The following SIPA1L3 variants were observed in gnomAD, a reference collection of about 807,000 sequenced individuals.
SIPA1L3 encodes signal induced proliferation associated 1 like 3.
SIPA1L3 carries 59 observed loss-of-function variants against 150.1 expected under a neutral mutation model. That is an observed-to-expected ratio of 0.39 (90% CI 0.32 to 0.49). The LOEUF (loss-of-function observed/expected upper bound fraction) is 0.49. Among genes scored for constraint, SIPA1L3 ranks in the 20% least tolerant of loss-of-function variants. The pLI, the probability that SIPA1L3 is intolerant of heterozygous loss-of-function variation, is 0.86. For missense variants in SIPA1L3, 2,211 were observed against 2,489.5 expected (o/e 0.89, Z 2.38); for synonymous variants, 1,070 against 1,077.6 (o/e 0.99, Z 0.14).
intron 2 of SIPA1L3, among the ~76,000 whole-genome samples, chr19:38,074,442 T>TC (rs576173983): frequency 7.6e-4 from 116 of 152,104 alleles, no homozygotes; most frequent in African/African-American, 2.6e-3. Flanking sequence ...AAAGGACTAA[T>TC]CCTCCCTCCG....
intron 1 of SIPA1L3, among the ~76,000 whole-genome samples, chr19:37,918,460 A>G (rs2046430762): frequency 6.6e-6 from 1 of 151,790 alleles, no homozygotes; most frequent in Non-Finnish European, 1.5e-5. Flanking sequence ...GGGTTTCACC[A>G]TGTTGGCCAG....
intron 1 of SIPA1L3, among the ~76,000 whole-genome samples, chr19:37,947,488 CAA>C (rs546299734): frequency 1.6e-4 from 20 of 123,946 alleles, no homozygotes; most frequent in Admixed American, 8.2e-5. Flanking sequence ...GACTCCATAT[CAA>C]AAAAAAAAAA....
chr19:38,199,184 G>A (rs1453972429), intron 19 of SIPA1L3, among the ~76,000 whole-genome samples: 3 of 152,320 alleles, frequency 2.0e-5, no homozygotes, highest in Admixed American at 6.5e-5. Context: ...TTTATGTGCT[G>A]GAAGTCCGTG....
chr19:38,194,644 C>G (rs575123220), intron 18 of SIPA1L3, among the ~76,000 whole-genome samples: 1 of 152,356 alleles, frequency 6.6e-6, no homozygotes, highest in South Asian at 2.1e-4. Flanking sequence ...AGGGTCTCAG[C>G]TGAGGGGCTG....
intron 1 of SIPA1L3, among the ~76,000 whole-genome samples, chr19:37,919,995 C>T (rs986820554): frequency 4.7e-5 from 7 of 150,530 alleles, no homozygotes; most frequent in Admixed American, 6.6e-5. Flanking sequence ...CAGGCATGAG[C>T]GACTGTGCCT....
intron 16 of SIPA1L3, among the ~76,000 whole-genome samples, chr19:38,190,840 A>G (rs1326200744): frequency 6.6e-6 from 1 of 152,178 alleles, no homozygotes; most frequent in African/African-American, 2.4e-5. Context: ...TTCTTCCAGA[A>G]ATTGTTATCT....
intron 2 of SIPA1L3, among the ~76,000 whole-genome samples, chr19:38,032,878 G>T (rs1477392299): frequency 6.6e-6 from 1 of 152,058 alleles, no homozygotes; most frequent in African/African-American, 2.4e-5. Flanking sequence ...GTGAATATAG[G>T]ATAAGTTGGA....
intron 8 of SIPA1L3, among the ~76,000 whole-genome samples, chr19:38,115,135 T>G (rs746563725): frequency 1.3e-5 from 2 of 152,116 alleles, no homozygotes; most frequent in Non-Finnish European, 2.9e-5. Context: ...CCCCCAAGCC[T>G]TGATGGGCTC....
chr19:37,918,414 C>A (rs541514805), intron 1 of SIPA1L3, among the ~76,000 whole-genome samples: 19 of 151,996 alleles, frequency 1.3e-4, no homozygotes, highest in African/African-American at 4.6e-4. Flanking sequence ...TGCGCGCCAC[C>A]ACACCTAGCT....
At chr19:37,953,608 C>T (rs941451743) in intron 1 of SIPA1L3, among the ~76,000 whole-genome samples, 1 of 152,168 alleles carries the variant, frequency 6.6e-6, no homozygotes, top group Non-Finnish European at 1.5e-5. Context: ...CCCTTTTACT[C>T]GAATGAAAGG....
At chr19:38,084,956 T>A (rs1204925073) in intron 3 of SIPA1L3, among the ~76,000 whole-genome samples, 10 of 152,022 alleles carry the variant, frequency 6.6e-5, no homozygotes, top group Admixed American at 3.9e-4. Flanking sequence ...AACTAGTTTT[T>A]AAAAATATTT....
intron 10 of SIPA1L3, among the ~76,000 whole-genome samples, chr19:38,139,834 T>C (rs1568571566): frequency 6.6e-6 from 1 of 152,180 alleles, no homozygotes; most frequent in Non-Finnish European, 1.5e-5. Context: ...TGATGGGGCC[T>C]TGAATGCTGT....
At chr19:37,927,724 T>TGG (rs1259310542) in intron 1 of SIPA1L3, among the ~76,000 whole-genome samples, 1 of 145,718 alleles carries the variant, frequency 6.9e-6, no homozygotes, top group South Asian at 2.2e-4. Flanking sequence ...TGTAAGAACA[T>TGG]GGGGTGTGTG....
chr19:37,984,404 G>A (rs970097914), intron 1 of SIPA1L3, among the ~76,000 whole-genome samples: 3 of 152,098 alleles, frequency 2.0e-5, no homozygotes, highest in Non-Finnish European at 4.4e-5. Flanking sequence ...CTAAAAATGT[G>A]CCATAATTGA....
At chr19:38,202,795 C>T (rs1973118122) in intron 20 of SIPA1L3, among the ~76,000 whole-genome samples, 1 of 152,054 alleles carries the variant, frequency 6.6e-6, no homozygotes, top group Non-Finnish European at 1.5e-5. Flanking sequence ...TGTCTGAGGA[C>T]CTAGTGGCAA....
intron 1 of SIPA1L3, among the ~76,000 whole-genome samples, chr19:37,976,542 G>C (rs1967081985): frequency 6.6e-6 from 1 of 152,086 alleles, no homozygotes; most frequent in Non-Finnish European, 1.5e-5. Context: ...AGCAGCTCTG[G>C]GGTGTCTCTC....
intron 1 of SIPA1L3, among the ~76,000 whole-genome samples, chr19:37,927,654 G>GGTGT (rs57987208): frequency 2.5e-3 from 341 of 136,832 alleles, no homozygotes; most frequent in South Asian, 0.011. Flanking sequence ...AAGAACATGG[G>GGTGT]GTGTGTGTGT....
chr19:38,052,190 C>T (rs1473040909), intron 2 of SIPA1L3, among the ~76,000 whole-genome samples: 1 of 152,170 alleles, frequency 6.6e-6, no homozygotes, highest in Non-Finnish European at 1.5e-5. Flanking sequence ...GTGTCTTCTC[C>T]CTTGATTCTC....
Position 38,123,083 on chromosome 19 carries a change from T to C in SIPA1L3, c.2868+3201T>C, listed in dbSNP as rs975693435. ...GCGTCGTATGCTATAGTGGCCGCAA[T>C]AGTGAGGATCAAATGGGCGCCAGCT... On this transcript the variant is annotated intron_variant, in intron 9 of 21. Transcript: ENST00000222345. Among the ~76,000 whole-genome samples the C allele has an allele frequency of 1.5e-4, 23 of 152,046 alleles. 1 individual carries two copies. The highest frequency in any genetic ancestry group is 1.5e-3 in the Admixed American group (23 of 15,246).
Sources: allele counts gnomAD v4.1 joint callset (sites outside exome capture counted in the v4.1 genomes callset), GRCh38; gene constraint gnomAD v4.1.1; transcripts MANE v1.5; gene names NCBI Gene and HGNC (gene_info 2026-07-23, HGNC 2026-07-21).